Variants in SNX6 observed in about 807,000 individuals in gnomAD.
SNX6 encodes the protein sorting nexin 6.
SNX6 carries 34 observed loss-of-function variants against 63.0 expected under a neutral mutation model. That is an observed-to-expected ratio of 0.54 (90% confidence interval 0.41 to 0.72). The LOEUF is 0.72. SNX6 is among the 30% of genes least tolerant of loss of function. The pLI is 0.00. For missense variants in SNX6, 398 were observed against 471.4 expected, an observed-to-expected ratio of 0.84 and a Z score of 1.44; for synonymous variants, 170 against 164.2, an observed-to-expected ratio of 1.04 and a Z score of -0.27.
At chr14:34,599,607 A>T (rs751992550) in intron 6 of SNX6, among the ~76,000 whole-genome samples, 6 of 134,728 alleles carry the variant, frequency 4.5e-5, no homozygotes, top group Admixed American at 7.5e-5. Context: ...AACTCTGTCT[A>T]AAAAAAAAAA....
rs149055848 is a variant in SNX6 at position 34,606,002 on chromosome 14, C to T, written c.271-285G>A. On this transcript the variant is annotated intron_variant, in intron 4 of 13. Transcript: ENST00000362031. ...CAGCCTGGCCAACATGATAAAATCC[C>T]GTCTCTACCAAAAATACAAAAATTA... is the stretch of plus-strand genomic sequence containing the variant. 3.0e-3 allele frequency among the ~76,000 whole-genome samples: 462 copies of T among 151,602 alleles called. 12 individuals are homozygous for T. In the East Asian group the frequency reaches 0.055, roughly 18 times the overall value.
At chr14:34,597,522 T>C (rs1318478766) in intron 7 of SNX6, 28 bp downstream of exon 7, 3 of 1,285,784 alleles carry the variant, frequency 2.3e-6, no homozygotes, top group South Asian at 2.5e-5. Context: ...TCTCAACTAA[T>C]ACCACAGTTA....
chr14:34,611,173 G>A (rs1405047629), intron 2 of SNX6, among the ~76,000 whole-genome samples: 2 of 151,972 alleles, frequency 1.3e-5, no homozygotes, highest in Non-Finnish European at 2.9e-5. Context: ...TGTAGTTTTT[G>A]GTAGAGAAGG....
chr14:34,591,681 G>A (rs1882399617), intron 8 of SNX6, among the ~76,000 whole-genome samples: 1 of 152,184 alleles, frequency 6.6e-6, no homozygotes, highest in East Asian at 1.9e-4. Context: ...CATGGTCAGA[G>A]AGATAAAGTT....
intron 2 of SNX6, among the ~76,000 whole-genome samples, chr14:34,610,872 G>A (rs1883201357): frequency 6.6e-6 from 1 of 152,126 alleles, no homozygotes; most frequent in Non-Finnish European, 1.5e-5. Flanking sequence ...AGGACTTAGA[G>A]AATCTCACCT....
chr14:34,563,967 G>C (rs1319153170), intron 13 of SNX6, among the ~76,000 whole-genome samples: 1 of 152,158 alleles, frequency 6.6e-6, no homozygotes, highest in Non-Finnish European at 1.5e-5. Context: ...TTGAACTCCT[G>C]ATCTCAGGTG....
chr14:34,578,374 G>A lies in SNX6; in HGVS notation c.835-2532C>T, dbSNP rs376649469. On this transcript the variant is annotated intron_variant, in intron 10 of 13. Transcript: ENST00000362031. Reference sequence around the variant, plus strand: ...TGGCACCTTAATAAGGCTCATGCCTGTAATCCTAGCATTTTGGGAGGCTGA... The same window carrying A: ...TGGCACCTTAATAAGGCTCATGCCTATAATCCTAGCATTTTGGGAGGCTGA... Among the ~76,000 whole-genome samples, 12 of 152,126 alleles carry A rather than the reference G, an allele frequency of 7.9e-5. No individual in the cohort carries two copies. In the South Asian group the frequency reaches 1.7e-3, roughly 21 times the overall value.
At chr14:34,605,006 G>A (rs1409578355) in intron 5 of SNX6, among the ~76,000 whole-genome samples, 1 of 152,122 alleles carries the variant, frequency 6.6e-6, no homozygotes, top group Non-Finnish European at 1.5e-5. Context: ...CTAAAGAATA[G>A]TTAAAAACTG....
chr14:34,630,118 G>C lies in SNX6; in HGVS notation c.-2C>G. On this transcript the variant is annotated 5_prime_UTR_variant, in exon 1 of 14. Coordinates refer to ENST00000362031, the MANE Select transcript of SNX6 (RefSeq NM_152233.4). The stretch of plus-strand genomic sequence containing the variant: ...GCCGCGGAGAACACCCACCATCATG[G>C]CTGCTCCGAGGCGAGGGCCGGCGCA... 2.2e-6 allele frequency: 3 copies of C among 1,376,506 alleles called. No individual in the cohort carries two copies. The highest frequency in any genetic ancestry group is 2.8e-6 in the Non-Finnish European group (3 of 1,072,472). 85.3% of individuals were successfully genotyped at this position (1,376,506 alleles called of 1,614,324 possible).
chr14:34,577,525 T>C (rs1881757473), intron 10 of SNX6, among the ~76,000 whole-genome samples: 1 of 152,178 alleles, frequency 6.6e-6, no homozygotes, highest in Admixed American at 6.6e-5. Context: ...TAGTAAAATG[T>C]GCCTGAAGAC....
Position 34,623,227 on chromosome 14 carries a change from CT to C in SNX6, c.54+6679del, listed in dbSNP as rs1305808163. 2.4e-3 allele frequency among the ~76,000 whole-genome samples: 360 copies of C among 152,136 alleles called. 6 individuals carry two copies. The highest frequency in any genetic ancestry group is 5.6e-4 in the Non-Finnish European group (38 of 68,010). Reference sequence around the variant, plus strand: ...CAGGTGCAAAACAAAATGCAAGCATCTGGGCCAAATTCAAGTTGAATTTGAA... The same window carrying C: ...CAGGTGCAAAACAAAATGCAAGCATCGGGCCAAATTCAAGTTGAATTTGAA... On this transcript the variant is annotated intron_variant, in intron 2 of 13. Transcript: ENST00000362031.
In SNX6 at chr14:34,603,478, A is replaced by G. The variant is rs1273273012; in HGVS notation, c.393-7T>C. 2.5e-6 allele frequency: 4 copies of G among 1,569,804 alleles called. No individual in the cohort carries two copies. In the East Asian group the frequency reaches 6.8e-5, roughly 27 times the overall value. On this transcript the variant is annotated splice_region_variant and splice_polypyrimidine_tract_variant and intron_variant, in intron 5 of 13. Coordinates refer to ENST00000362031, the MANE Select transcript of SNX6 (RefSeq NM_152233.4). Reference sequence around the variant, plus strand: ...GAATATTGCCAAATATTCACTAGAAACAATATACAAAATTAAAGGTAAAAA... The same window carrying G: ...GAATATTGCCAAATATTCACTAGAAGCAATATACAAAATTAAAGGTAAAAA...
chr14:34,581,504 C>T (rs1037162953), intron 10 of SNX6, 57 bp downstream of exon 10: 2 of 1,011,040 alleles, frequency 2.0e-6, no homozygotes, highest in Non-Finnish European at 2.9e-6. Flanking sequence ...AAACCTTTAA[C>T]ATGAGCTCTC....
chr14:34,620,933 C>T (rs989367420), intron 2 of SNX6, among the ~76,000 whole-genome samples: 32 of 151,606 alleles, frequency 2.1e-4, no homozygotes, highest in African/African-American at 7.0e-4. Context: ...TAAAGTGAGA[C>T]TCCCTCAAAA....
At chr14:34,602,648 C>T (rs1882863648) in intron 6 of SNX6, among the ~76,000 whole-genome samples, 1 of 151,206 alleles carries the variant, frequency 6.6e-6, no homozygotes, top group Non-Finnish European at 1.5e-5. Flanking sequence ...TGAGCCTTTT[C>T]TAACTACTCT....
intron 10 of SNX6, 34 bp downstream of exon 10, chr14:34,581,527 A>G (rs772421762): frequency 8.3e-7 from 1 of 1,199,214 alleles, no homozygotes; most frequent in Non-Finnish European, 1.2e-6. Context: ...TGGGCACAAT[A>G]TTATGCAGTA....
Position 34,600,885 on chromosome 14 carries a change from G to A in SNX6, c.516+2463C>T, listed in dbSNP as rs563676389. 7.2e-5 allele frequency among the ~76,000 whole-genome samples: 11 copies of A among 151,946 alleles called. 1 individual carries two copies. Among genetic ancestry groups the A allele is most frequent in the Non-Finnish European group, 1.5e-4 (10 of 68,012 alleles). ...AAACCCTGTCTCTATTAAAATATAA[G>A]AATTAGCCAGGTATGGTGGCTACTC... On this transcript the variant is annotated intron_variant, in intron 6 of 13. Transcript: ENST00000362031.
intron 9 of SNX6, 36 bp from the exon 10 acceptor site, chr14:34,581,636 C>T: frequency 7.6e-7 from 1 of 1,307,332 alleles, no homozygotes; most frequent in Non-Finnish European, 1.1e-6. Flanking sequence ...ATTCTACATT[C>T]AAAGTAATTT....
intron 2 of SNX6, among the ~76,000 whole-genome samples, chr14:34,623,581 C>G (rs1004049698): frequency 2.0e-5 from 3 of 152,074 alleles, no homozygotes; most frequent in African/African-American, 7.2e-5. Flanking sequence ...CTGCTACTAT[C>G]CAAGCAGGAA....
Sources: allele counts gnomAD v4.1 joint callset (sites outside exome capture counted in the v4.1 genomes callset), GRCh38; gene constraint gnomAD v4.1.1; transcripts MANE v1.5; gene names NCBI Gene and HGNC (gene_info 2026-07-23, HGNC 2026-07-21).